Variants in APBB2 observed in about 807,000 individuals in gnomAD.
APBB2 encodes the protein amyloid beta precursor protein binding family B member 2.
APBB2 carries 38 observed loss-of-function variants against 82.5 expected under a neutral mutation model. The ratio of observed to expected loss-of-function variants is 0.46; its 90% confidence interval spans 0.36 to 0.60. APBB2 has a LOEUF of 0.60. Ranked by LOEUF, APBB2 falls within the 20% of genes least tolerant of loss-of-function variation. APBB2 has a pLI of 0.00. For synonymous variants in APBB2, 341 were observed against 368.2 expected (o/e 0.93, Z 0.85); for missense variants, 772 against 972.3 (o/e 0.79, Z 2.74).
At chr4:40,912,925 T>A (rs993343587) in intron 10 of APBB2, among the ~76,000 whole-genome samples, 10 of 152,166 alleles carry the variant, frequency 6.6e-5, no homozygotes, top group Non-Finnish European at 1.5e-4. Flanking sequence ...ATTTTAGTTT[T>A]CCCCTGCAGG....
intron 10 of APBB2, among the ~76,000 whole-genome samples, chr4:40,930,725 T>C (rs1044917657): frequency 6.6e-6 from 1 of 152,178 alleles, no homozygotes; most frequent in Non-Finnish European, 1.5e-5. Flanking sequence ...TAGAATTCCA[T>C]AGTATATCAA....
chr4:41,204,138 A>T (rs912825653), intron 1 of APBB2, among the ~76,000 whole-genome samples: 1 of 152,252 alleles, frequency 6.6e-6, no homozygotes, highest in Non-Finnish European at 1.5e-5. Flanking sequence ...AACAGGGGAT[A>T]AAAGCCGAAA....
intron 3 of APBB2, among the ~76,000 whole-genome samples, chr4:41,070,181 TA>T (rs1052469032): frequency 7.2e-5 from 11 of 152,214 alleles, no homozygotes; most frequent in African/African-American, 2.7e-4. Context: ...TTGAAAATTT[TA>T]AAAATTCACC....
chr4:41,083,686 CAAAAAAAAAAA>C (rs3058169), intron 3 of APBB2, among the ~76,000 whole-genome samples: 5 of 68,048 alleles, frequency 7.3e-5, no homozygotes, highest in Admixed American at 2.4e-4. Flanking sequence ...GACTCTGTCT[CAAAAAAAAAAA>C]AAAAAAAAAA....
intron 1 of APBB2, among the ~76,000 whole-genome samples, chr4:41,174,548 C>A (rs1158924891): frequency 1.3e-5 from 2 of 151,686 alleles, no homozygotes; most frequent in African/African-American, 4.8e-5. Context: ...AGTCTGCCAA[C>A]TGTTTATTAC....
chr4:40,952,185 CAAAAAAAAAAAAA>C (rs61159163), intron 6 of APBB2, among the ~76,000 whole-genome samples: 1 of 111,186 alleles, frequency 9.0e-6, no homozygotes, highest in Non-Finnish European at 1.8e-5. Flanking sequence ...GACTCTGTCT[CAAAAAAAAAAAAA>C]AAAAAAAAGG....
At chr4:40,926,757 C>T (rs771452836) in intron 10 of APBB2, among the ~76,000 whole-genome samples, 2 of 152,242 alleles carry the variant, frequency 1.3e-5, no homozygotes, top group African/African-American at 2.4e-5. Context: ...AACAGGTGGG[C>T]GTGACACTTT....
intron 12 of APBB2, chr4:40,881,321 A>G (rs891491608): frequency 3.0e-6 from 3 of 985,090 alleles, no homozygotes; most frequent in African/African-American, 3.5e-5. Flanking sequence ...TTGGAATTCC[A>G]TCAGTCTTTC....
intron 12 of APBB2, among the ~76,000 whole-genome samples, chr4:40,870,389 A>G (rs1477770079): frequency 6.6e-6 from 1 of 152,154 alleles, no homozygotes; most frequent in Non-Finnish European, 1.5e-5. Flanking sequence ...ACCAAGCTGC[A>G]TCGGGGTTCC....
chr4:41,059,918 T>C (rs1487823912), intron 4 of APBB2, among the ~76,000 whole-genome samples: 2 of 151,606 alleles, frequency 1.3e-5, no homozygotes, highest in Admixed American at 1.3e-4. Flanking sequence ...AGGCAGAGGT[T>C]GCAGTGAGTC....
intron 10 of APBB2, among the ~76,000 whole-genome samples, chr4:40,928,728 TAAAA>T (rs1262228630): frequency 1.3e-5 from 2 of 150,768 alleles, no homozygotes; most frequent in South Asian, 4.2e-4. Context: ...CTACTAAAAA[TAAAA>T]AAATTAGCTG....
chr4:40,909,861 C>T (rs567339736), intron 10 of APBB2, among the ~76,000 whole-genome samples: 1 of 152,176 alleles, frequency 6.6e-6, no homozygotes, highest in Non-Finnish European at 1.5e-5. Flanking sequence ...TTGCCACAAG[C>T]TGCATGCTTT....
intron 12 of APBB2, among the ~76,000 whole-genome samples, chr4:40,886,852 A>G (rs1214942663): frequency 1.3e-5 from 2 of 152,246 alleles, no homozygotes; most frequent in Non-Finnish European, 2.9e-5. Flanking sequence ...GACAAAGCTC[A>G]TGAAACCCCT....
At chr4:41,053,811 A>G (rs1047648508) in intron 4 of APBB2, among the ~76,000 whole-genome samples, 13 of 152,266 alleles carry the variant, frequency 8.5e-5, no homozygotes, top group African/African-American at 2.9e-4. Flanking sequence ...CAAGTCCACA[A>G]CTCCACAACT....
chr4:41,078,054 G>C (rs1736251481), intron 3 of APBB2, among the ~76,000 whole-genome samples: 1 of 152,150 alleles, frequency 6.6e-6, no homozygotes, highest in Non-Finnish European at 1.5e-5. Context: ...ACAGTATCCT[G>C]CATAGCTCAG....
chr4:41,025,726 C>A (rs1713767606), intron 5 of APBB2, among the ~76,000 whole-genome samples: 1 of 151,750 alleles, frequency 6.6e-6, no homozygotes, highest in Non-Finnish European at 1.5e-5. Context: ...TGAGACCAGC[C>A]TGGCCAACAT....
At chr4:41,002,784 G>GT (rs1805588874) in intron 6 of APBB2, among the ~76,000 whole-genome samples, 1 of 152,178 alleles carries the variant, frequency 6.6e-6, no homozygotes, top group African/African-American at 2.4e-5. Context: ...CTGCCTGTGA[G>GT]TTTGTGCGTT....
At chr4:41,190,717 TCA>T (rs1774198279) in intron 1 of APBB2, among the ~76,000 whole-genome samples, 1 of 152,154 alleles carries the variant, frequency 6.6e-6, no homozygotes, top group African/African-American at 2.4e-5. Flanking sequence ...TTCATACTAA[TCA>T]CACATACCTG....
chr4:41,024,341 T>C (rs1382356668), intron 5 of APBB2, among the ~76,000 whole-genome samples: 1 of 152,154 alleles, frequency 6.6e-6, no homozygotes. Context: ...TAATTAAACT[T>C]ATGAGCTTCT....
Sources: gnomAD v4.1 joint callset for allele counts (sites outside exome capture counted in the v4.1 genomes callset) on GRCh38, gnomAD v4.1.1 for gene constraint, MANE v1.5 for transcripts, NCBI Gene and HGNC (gene_info 2026-07-23, HGNC 2026-07-21) for gene names.